CNBD1: variants seen among roughly 807,000 people sequenced by gnomAD.
CNBD1 encodes cyclic nucleotide binding domain containing 1.
A neutral mutation model predicts 54.4 loss-of-function variants in CNBD1; 71 were observed. The ratio of observed to expected loss-of-function variants is 1.30; its 90% CI spans 1.08 to 1.59. CNBD1 has a LOEUF of 1.59. Among genes scored for constraint, CNBD1 ranks in the 40% most tolerant of loss-of-function variants. The pLI is 0.00. For missense variants in CNBD1, 659 were observed against 518.0 expected, an observed-to-expected ratio of 1.27 and a Z score of -2.64; for synonymous variants, 182 against 170.7, an observed-to-expected ratio of 1.07 and a Z score of -0.51.
In CNBD1 at chr8:87,237,109, A is replaced by C; in HGVS notation, c.768A>C (p.Ser256=). The C allele has an allele frequency of 6.3e-7, 1 of 1,592,868 alleles. No individual in the cohort carries two copies. The highest frequency in any genetic ancestry group is 1.1e-5 in the South Asian group (1 of 88,358). The change falls in exon 6 of 11, where the codon TCA becomes TCC. Residue 256 remains serine (S), a synonymous_variant. Coordinates refer to ENST00000518476, the MANE Select transcript of CNBD1 (RefSeq NM_173538.3). ...AGATGTACCTACCTTCATATGACTC[A>C]ATGGTAAGAGATGAGTATTTGCTTT... is the stretch of plus-strand genomic sequence containing the variant. ...LAEMYLPSYD[S]MLSKWSTFGT... is the part of the protein sequence containing the mutation.
intron 6 of CNBD1, among the ~76,000 whole-genome samples, chr8:87,248,818 G>A (rs1339390317): frequency 6.6e-6 from 1 of 152,118 alleles, no homozygotes; most frequent in East Asian, 1.9e-4. Context: ...GCTATGGTTA[G>A]CTTGTGGGCT....
chr8:87,376,946 C>T (rs1810953660), intron 10 of CNBD1, among the ~76,000 whole-genome samples: 1 of 150,378 alleles, frequency 6.6e-6, no homozygotes, highest in Non-Finnish European at 1.5e-5. Flanking sequence ...TGTTAGAGCA[C>T]ATCTTGGAAC....
At chr8:87,327,525 G>C (rs532163543) in intron 8 of CNBD1, among the ~76,000 whole-genome samples, 8 of 152,262 alleles carry the variant, frequency 5.3e-5, no homozygotes, top group South Asian at 2.1e-4. Flanking sequence ...TTTTTAAGCC[G>C]GTCTGAAAAG....
intron 4 of CNBD1, among the ~76,000 whole-genome samples, chr8:87,061,002 G>A (rs1374605514): frequency 1.3e-5 from 2 of 152,180 alleles, no homozygotes; most frequent in Non-Finnish European, 2.9e-5. Context: ...GAAAGTTAGT[G>A]ACCTGGCTCA....
intron 4 of CNBD1, among the ~76,000 whole-genome samples, chr8:87,180,564 T>A (rs1253945862): frequency 6.6e-6 from 1 of 152,176 alleles, no homozygotes; most frequent in Non-Finnish European, 1.5e-5. Context: ...CCGGAGGTGG[T>A]GTGAGCCTGA....
intron 4 of CNBD1, among the ~76,000 whole-genome samples, chr8:87,025,821 C>T (rs1236772546): frequency 6.6e-6 from 1 of 152,118 alleles, no homozygotes; most frequent in Non-Finnish European, 1.5e-5. Context: ...AACTGTAATA[C>T]TCACCACGAC....
rs1027968479 is a variant in CNBD1, at chr8:87,163,714, C to A, written c.432-42279C>A. Among the ~76,000 whole-genome samples, 1 of 150,996 alleles carries A rather than the reference C, an allele frequency of 6.6e-6. No individual in the cohort carries two copies. The highest frequency in any genetic ancestry group is 1.5e-5 in the Non-Finnish European group (1 of 67,666). On this transcript the variant is annotated intron_variant, in intron 4 of 10. Transcript: ENST00000518476. This position sits in a 1 kb window ranked among gnomAD's most constrained non-coding sequence, Gnocchi z 4.5. ...TTAGTTCTAACAGTTTTTTTGTTGGCGTCTTTAGGGTTTTTTTTAAATATA... is the reference window on the plus strand; with the variant it reads ...TTAGTTCTAACAGTTTTTTTGTTGGAGTCTTTAGGGTTTTTTTTAAATATA...
chr8:86,909,753 C>T (rs570521798), intron 3 of CNBD1, among the ~76,000 whole-genome samples: 1 of 152,138 alleles, frequency 6.6e-6, no homozygotes, highest in African/African-American at 2.4e-5. Flanking sequence ...AATCTGAGAA[C>T]CCTGGCTTAA....
At chr8:87,060,875 A>G (rs1189011108) in intron 4 of CNBD1, among the ~76,000 whole-genome samples, 2 of 152,138 alleles carry the variant, frequency 1.3e-5, no homozygotes, top group East Asian at 3.8e-4. Context: ...GCAACTAGTA[A>G]TTGTTATATT....
In CNBD1 at chr8:87,360,307, TGAG is replaced by T. The variant is rs149848796; in HGVS notation, c.1303+6525_1303+6527del. ...TAGTTTTGTAATATTTAAAAGGACTTGAGGAGTGGCTTATTTGTTCCTTTTGGT... is the reference window on the plus strand; with the variant it reads ...TAGTTTTGTAATATTTAAAAGGACTTGAGTGGCTTATTTGTTCCTTTTGGT... On this transcript the variant is annotated intron_variant, in intron 10 of 10. Coordinates refer to ENST00000518476, the MANE Select transcript of CNBD1 (RefSeq NM_173538.3). Among the ~76,000 whole-genome samples, 474 of 152,054 alleles carry T rather than the reference TGAG, an allele frequency of 3.1e-3. 2 individuals carry two copies. The highest frequency in any genetic ancestry group is 0.011 in the African/African-American group (448 of 41,560).
At chr8:87,132,490 T>A (rs1415792732) in intron 4 of CNBD1, among the ~76,000 whole-genome samples, 1 of 150,894 alleles carries the variant, frequency 6.6e-6, no homozygotes, top group Non-Finnish European at 1.5e-5. Flanking sequence ...TCTGACATGC[T>A]TGGACATAAT....
intron 4 of CNBD1, among the ~76,000 whole-genome samples, chr8:86,976,405 A>G (rs1213043366): frequency 6.6e-6 from 1 of 151,842 alleles, no homozygotes; most frequent in East Asian, 1.9e-4. Flanking sequence ...TGATTTTCAT[A>G]TAAGGGATGA....
intron 5 of CNBD1, among the ~76,000 whole-genome samples, chr8:87,208,064 C>T (rs1814015452): frequency 6.6e-6 from 1 of 152,136 alleles, no homozygotes; most frequent in Non-Finnish European, 1.5e-5. Context: ...GTTTCCCTCC[C>T]TCTGCTATTA....
chr8:87,244,732 A>G (rs1219392947), intron 6 of CNBD1, among the ~76,000 whole-genome samples: 1 of 152,038 alleles, frequency 6.6e-6, no homozygotes, highest in African/African-American at 2.4e-5. Flanking sequence ...TTTTTCTCTA[A>G]TGCGTAGTAT....
At chr8:87,173,171 C>T (rs1813124533) in intron 4 of CNBD1, among the ~76,000 whole-genome samples, 1 of 152,048 alleles carries the variant, frequency 6.6e-6, no homozygotes, top group Non-Finnish European at 1.5e-5. Context: ...AAGTAAAAAA[C>T]ACTACACTTA....
At chr8:87,409,174 G>C (rs1444872205) in intron 2 of CNBD1, among the ~76,000 whole-genome samples, 1 of 152,118 alleles carries the variant, frequency 6.6e-6, no homozygotes, top group Non-Finnish European at 1.5e-5. Flanking sequence ...AGAAGTTCTT[G>C]AAGAAAATTA....
chr8:87,328,137 G>T (rs552593500), intron 8 of CNBD1, among the ~76,000 whole-genome samples: 1 of 151,766 alleles, frequency 6.6e-6, no homozygotes, highest in Non-Finnish European at 1.5e-5. Flanking sequence ...CCTTCCCCGT[G>T]CCCCCAATCC....
chr8:87,319,376 C>A (rs532478898), intron 8 of CNBD1, among the ~76,000 whole-genome samples: 2 of 152,044 alleles, frequency 1.3e-5, no homozygotes, highest in Admixed American at 6.6e-5. Context: ...AAATGCCTTG[C>A]CTATAGCAGT....
At chr8:86,973,802 T>G (rs1283519681) in intron 4 of CNBD1, among the ~76,000 whole-genome samples, 1 of 152,132 alleles carries the variant, frequency 6.6e-6, no homozygotes, top group Non-Finnish European at 1.5e-5. Context: ...CCAGTAGCAT[T>G]GAAACAGGAA....
Sources: allele counts gnomAD v4.1 joint callset (sites outside exome capture counted in the v4.1 genomes callset), GRCh38; gene constraint gnomAD v4.1.1; non-coding constraint Gnocchi (gnomAD v3.1); transcripts MANE v1.5; gene names NCBI Gene and HGNC (gene_info 2026-07-23, HGNC 2026-07-21).